CCBE1: variants seen among roughly 807,000 people sequenced by gnomAD.
CCBE1 encodes the protein collagen and calcium-binding EGF domain-containing protein 1.
A neutral mutation model predicts 50.0 loss-of-function variants in CCBE1; 37 were observed. The ratio of observed to expected loss-of-function variants is 0.74; its 90% CI spans 0.57 to 0.97. The LOEUF is 0.97. CCBE1 is among the 50% of genes least tolerant of loss of function. The probability of loss-of-function intolerance (pLI) is 0.00; values close to 1 mark genes in which losing one functional copy is unlikely to be tolerated. For synonymous variants in CCBE1, 234 were observed against 203.7 expected (o/e 1.15, Z -1.27); for missense variants, 538 against 523.8 (o/e 1.03, Z -0.26).
At chr18:59,468,296 G>A (rs1483358004) in intron 4 of CCBE1, among the ~76,000 whole-genome samples, 1 of 152,176 alleles carries the variant, frequency 6.6e-6, no homozygotes. Flanking sequence ...CAGGTGGGAG[G>A]ATCACAGGAG....
intron 2 of CCBE1, among the ~76,000 whole-genome samples, chr18:59,566,854 C>CA (rs1242344970): frequency 2.0e-5 from 3 of 151,904 alleles, no homozygotes; most frequent in Admixed American, 6.6e-5. Context: ...GTTTAGCTAC[C>CA]AAAAAAATCT....
intron 2 of CCBE1, among the ~76,000 whole-genome samples, chr18:59,491,137 A>G (rs1913078531): frequency 6.6e-6 from 1 of 152,228 alleles, no homozygotes; most frequent in Admixed American, 6.5e-5. Context: ...TAGTAATGCT[A>G]CAATGGCATT....
intron 2 of CCBE1, among the ~76,000 whole-genome samples, chr18:59,496,210 C>T (rs1032180868): frequency 6.6e-6 from 1 of 152,154 alleles, no homozygotes; most frequent in Non-Finnish European, 1.5e-5. Flanking sequence ...GGAGGCTATA[C>T]AGATGTCTAC....
intron 2 of CCBE1, among the ~76,000 whole-genome samples, chr18:59,539,425 G>A (rs1266466387): frequency 6.6e-6 from 1 of 152,164 alleles, no homozygotes; most frequent in African/African-American, 2.4e-5. Context: ...GAGCCTGGAA[G>A]CAAATCCTTC....
intron 5 of CCBE1, among the ~76,000 whole-genome samples, chr18:59,466,269 T>C (rs1453719104): frequency 6.6e-6 from 1 of 151,970 alleles, no homozygotes; most frequent in African/African-American, 2.4e-5. Flanking sequence ...GTCTTTCCCA[T>C]GCTATTCTCA....
chr18:59,622,797 A>G (rs897583464), intron 2 of CCBE1, among the ~76,000 whole-genome samples: 4 of 147,514 alleles, frequency 2.7e-5, no homozygotes, highest in African/African-American at 1.0e-4. Context: ...GAGAGATTCC[A>G]TCTCAAAAAA....
chr18:59,505,674 C>A (rs1228072693), intron 2 of CCBE1, among the ~76,000 whole-genome samples: 1 of 152,174 alleles, frequency 6.6e-6, no homozygotes, highest in Admixed American at 6.5e-5. Flanking sequence ...ACAAAATAGT[C>A]ATTTAGTATA....
intron 2 of CCBE1, among the ~76,000 whole-genome samples, chr18:59,635,056 A>C (rs1212744779): frequency 1.3e-5 from 2 of 152,240 alleles, no homozygotes; most frequent in Non-Finnish European, 2.9e-5. Context: ...ATTCCAACTG[A>C]GGAAAGAAGG....
intron 4 of CCBE1, among the ~76,000 whole-genome samples, chr18:59,468,750 T>C (rs1911876273): frequency 6.6e-6 from 1 of 152,094 alleles, no homozygotes; most frequent in Non-Finnish European, 1.5e-5. Flanking sequence ...TCACCATGCC[T>C]AGGAATCATT....
At position 59,614,156 on chromosome 18, in the gene CCBE1, C is replaced by T. The variant is rs576285472; in HGVS notation, c.212+82473G>A. ...GAGTAGCTGAGATTATAGCCACACA[C>T]CGCCATGCCCCGCTAATTTTTGTAT... On this transcript the variant is annotated intron_variant, in intron 2 of 10. Coordinates refer to ENST00000439986, the MANE Select transcript of CCBE1 (RefSeq NM_133459.4). Among the ~76,000 whole-genome samples the T allele has an allele frequency of 2.6e-5, 4 of 152,220 alleles. No homozygotes were observed. In the South Asian group the frequency reaches 8.3e-4, roughly 32 times the overall value.
intron 2 of CCBE1, among the ~76,000 whole-genome samples, chr18:59,516,022 G>A (rs1251810866): frequency 3.3e-5 from 5 of 152,250 alleles, no homozygotes; most frequent in South Asian, 2.1e-4. Flanking sequence ...GCAGTGGTGC[G>A]ATCTCTGCTC....
intron 2 of CCBE1, among the ~76,000 whole-genome samples, chr18:59,492,869 C>A (rs944001370): frequency 6.6e-6 from 1 of 152,190 alleles, no homozygotes; most frequent in Non-Finnish European, 1.5e-5. Flanking sequence ...GAGCCCTTGA[C>A]CCTTACAGAA....
rs373577523 is a variant in CCBE1 at position 59,450,139 on chromosome 18, G to A, written c.655-2036C>T. ...CATTTCTCCCAGATTCCAGTCAATGGAATTATGCGTATCATTTATCTCATA... is the reference window on the plus strand; with the variant it reads ...CATTTCTCCCAGATTCCAGTCAATGAAATTATGCGTATCATTTATCTCATA... On this transcript the variant is annotated intron_variant, in intron 6 of 10. Coordinates refer to ENST00000439986, the MANE Select transcript of CCBE1 (RefSeq NM_133459.4). 2.0e-5 allele frequency among the ~76,000 whole-genome samples: 3 copies of A among 152,286 alleles called. 1 individual carries two copies. The South Asian group carries it at 6.2e-4, about 32-fold the overall frequency.
chr18:59,610,191 G>A (rs2053550500), intron 2 of CCBE1, among the ~76,000 whole-genome samples: 1 of 152,238 alleles, frequency 6.6e-6, no homozygotes, highest in African/African-American at 2.4e-5. Flanking sequence ...CTGGAGTGGA[G>A]AGGGCTGAAA....
intron 2 of CCBE1, among the ~76,000 whole-genome samples, chr18:59,643,263 A>G (rs759106591): frequency 7.2e-5 from 11 of 152,118 alleles, no homozygotes; most frequent in Non-Finnish European, 1.5e-4. Flanking sequence ...TTTGACTCTA[A>G]TTTTCAAACT....
At chr18:59,574,115 T>C (rs187806684) in intron 2 of CCBE1, among the ~76,000 whole-genome samples, 5 of 152,328 alleles carry the variant, frequency 3.3e-5, no homozygotes. Flanking sequence ...CAGTAACTCC[T>C]GACATAACTC....
At chr18:59,543,489 G>A in intron 2 of CCBE1, among the ~76,000 whole-genome samples, 1 of 152,148 alleles carries the variant, frequency 6.6e-6, no homozygotes, top group Middle Eastern at 3.2e-3. Flanking sequence ...AAATGATGCT[G>A]GTTAAGTTGA....
intron 2 of CCBE1, among the ~76,000 whole-genome samples, chr18:59,483,111 G>A (rs1912655015): frequency 6.6e-6 from 1 of 152,150 alleles, no homozygotes; most frequent in African/African-American, 2.4e-5. Context: ...ACAAACCACT[G>A]ATTTGGGAAA....
intron 6 of CCBE1, among the ~76,000 whole-genome samples, chr18:59,451,023 CCTGA>C (rs1484359870): frequency 6.6e-6 from 1 of 152,174 alleles, no homozygotes; most frequent in African/African-American, 2.4e-5. Context: ...AATTCTCAGG[CCTGA>C]CTGTTGGCCC....
Sources: gnomAD v4.1 joint callset for allele counts (sites outside exome capture counted in the v4.1 genomes callset) on GRCh38, gnomAD v4.1.1 for gene constraint, MANE v1.5 for transcripts, NCBI Gene and HGNC (gene_info 2026-07-23, HGNC 2026-07-21) for gene names.